Variants in ERCC5 observed in about 807,000 individuals in gnomAD.
ERCC5 encodes the protein ERCC excision repair 5, endonuclease, also known as DNA excision repair protein ERCC-5.
A neutral mutation model predicts 105.6 loss-of-function variants in ERCC5; 68 were observed. The observed-to-expected ratio is 0.64, with a 90% CI of 0.53 to 0.79. The LOEUF is 0.79. Ranked by LOEUF, ERCC5 falls within the 30% of genes least tolerant of loss-of-function variation. The pLI is 0.00. For missense variants in ERCC5, 1,373 were observed against 1,426.7 expected, an observed-to-expected ratio of 0.96 and a Z score of 0.61; for synonymous variants, 546 against 526.2, an observed-to-expected ratio of 1.04 and a Z score of -0.51.
Position 102,862,985 on chromosome 13 carries a change from G to A in ERCC5, c.1836G>A (p.Glu612=). The A allele has an allele frequency of 6.2e-7, 1 of 1,614,186 alleles. No homozygotes were observed. Among genetic ancestry groups the A allele is most frequent in the Non-Finnish European group, 8.5e-7 (1 of 1,180,038 alleles). Residue 612 remains glutamate, a synonymous_variant, in exon 8 of 15, where the codon GAG becomes GAA. Transcript: ENST00000652225. ...TGTCATTTAATGCTAAAGAGCATGA[G>A]AATTTTCTGGAAACCATCCAAGAAC... ...NVVSFNAKEH[E]NFLETIQEQQ...
chr13:102,865,578 TTTCAGG>T lies in ERCC5; in HGVS notation c.1955-85_1955-80del, dbSNP rs1882802133. On this transcript the variant is annotated intron_variant, in intron 8 of 14. Transcript: ENST00000652225. The surrounding 1 kb of genome is among the most constrained non-coding windows in gnomAD (Gnocchi z 4.0). ...TCTTTCCTTTTTAGGATGTAGCATTTTTCAGGTTCCTCCAGAAAGCTCTTGATGATT... is the reference window on the plus strand; with the variant it reads ...TCTTTCCTTTTTAGGATGTAGCATTTTTCCTCCAGAAAGCTCTTGATGATT... 2 of 1,558,826 alleles carry T rather than the reference TTTCAGG, an allele frequency of 1.3e-6. No individual in the cohort carries two copies. Among genetic ancestry groups the T allele is most frequent in the Non-Finnish European group, 8.7e-7 (1 of 1,147,342 alleles).
chr13:102,866,766 G>A lies in ERCC5; in HGVS notation c.2454G>A (p.Ala818=), dbSNP rs138715586. The change falls in exon 11 of 15, where the codon GCG becomes GCA. Residue 818 remains alanine (A), a synonymous_variant. Coordinates refer to ENST00000652225, the MANE Select transcript of ERCC5 (RefSeq NM_000123.4). ...TDDSDIWLFG[A]RHVYRNFFNK... The stretch of plus-strand genomic sequence containing the variant: ...ACAGTGATATCTGGCTGTTTGGAGC[G>A]CGGCATGTCTATAGAAACTTTTTTA... 351 of 1,614,238 alleles carry A rather than the reference G, an allele frequency of 2.2e-4. No individual in the cohort carries two copies. The African/African-American group carries it at 3.9e-3, about 18-fold the overall frequency.
At chr13:102,847,232 C>A (rs1047200302) in intron 1 of ERCC5, among the ~76,000 whole-genome samples, 1 of 149,010 alleles carries the variant, frequency 6.7e-6, no homozygotes, top group Non-Finnish European at 1.5e-5. Flanking sequence ...GAATTAAATT[C>A]TTTTTTCATT....
At chr13:102,869,664 G>A (rs1236944792) in intron 12 of ERCC5, among the ~76,000 whole-genome samples, 1 of 152,146 alleles carries the variant, frequency 6.6e-6, no homozygotes, top group Admixed American at 6.5e-5. Context: ...ATCAGGGCTA[G>A]TTTAATCAAG....
intron 11 of ERCC5, among the ~76,000 whole-genome samples, chr13:102,867,318 G>C (rs1882875186): frequency 6.6e-6 from 1 of 152,230 alleles, no homozygotes; most frequent in African/African-American, 2.4e-5. Context: ...TTGGTGGTAA[G>C]TGCCAAATAG....
In ERCC5 at chr13:102,862,918, T is replaced by A; in HGVS notation, c.1769T>A (p.Val590Glu). ...AGTTTGCAAGAAACAAGTAGCATAG[T>A]AAGTGTCCCTTCAGAGGCAGTAGAT... Reference protein sequence around the residue: ...PVSLQETSSIVSVPSEAVDNV... With the variant: ...PVSLQETSSIESVPSEAVDNV... Residue 590 changes from valine to glutamate, a missense_variant, in exon 8 of 15, where the codon GTA (valine) becomes GAA (glutamate). Around this residue, in one of 3 missense-constraint regions of ERCC5, gnomAD observed 1,004 missense variants for 1,059.7 expected, o/e 0.95. Transcript: ENST00000652225. The A allele has an allele frequency of 1.2e-6, 2 of 1,614,218 alleles. No homozygotes were observed. Among genetic ancestry groups the A allele is most frequent in the Non-Finnish European group, 8.5e-7 (1 of 1,180,036 alleles).
intron 12 of ERCC5, among the ~76,000 whole-genome samples, chr13:102,870,733 T>G (rs1883004295): frequency 6.6e-6 from 1 of 152,160 alleles, no homozygotes; most frequent in Admixed American, 6.5e-5. Flanking sequence ...AAGACCGCAA[T>G]TAGTAATTTC....
Position 102,865,541 on chromosome 13 carries a change from G to A in ERCC5, c.1955-126G>A, listed in dbSNP as rs1052376813. Reference sequence around the variant, plus strand: ...ATAACGCTACTATTACATGTATTCTGTTATAGTCATATCTTTCCTTTTTAG... The same window carrying A: ...ATAACGCTACTATTACATGTATTCTATTATAGTCATATCTTTCCTTTTTAG... On this transcript the variant is annotated intron_variant, in intron 8 of 14. Coordinates refer to ENST00000652225, the MANE Select transcript of ERCC5 (RefSeq NM_000123.4). This position sits in a 1 kb window ranked among gnomAD's most constrained non-coding sequence, Gnocchi z 4.0. 1.5e-6 allele frequency: 2 copies of A among 1,310,346 alleles called. No individual in the cohort carries two copies. Among genetic ancestry groups the A allele is most frequent in the Non-Finnish European group, 2.1e-6 (2 of 940,830 alleles). 81.2% of individuals were successfully genotyped at this position (1,310,346 alleles called of 1,614,324 possible). A position where few individuals can be genotyped will look rare whatever the true frequency, so the allele number is the denominator to read the frequency against.
At chr13:102,849,372 C>T (rs761983258) in intron 1 of ERCC5, 41 of 518,912 alleles carry the variant, frequency 7.9e-5, no homozygotes, top group South Asian at 5.7e-4. Context: ...CCTGCCATTC[C>T]TTTTGTCCTG....
chr13:102,862,067 G>A lies in ERCC5; in HGVS notation c.918G>A (p.Glu306=). The change falls in exon 8 of 15, where the codon GAG becomes GAA. Residue 306 remains glutamate (E), a synonymous_variant. Coordinates refer to ENST00000652225, the MANE Select transcript of ERCC5 (RefSeq NM_000123.4). ...QAKTVAEVDS[E]SLPSSSKMHG... The stretch of plus-strand genomic sequence containing the variant: ...AGACAGTTGCAGAAGTGGATTCAGA[G>A]TCTCTTCCTTCTTCCAGCAAAATGC... 6.2e-7 allele frequency: 1 copy of A among 1,614,210 alleles called. No individual in the cohort carries two copies. The highest frequency in any genetic ancestry group is 8.5e-7 in the Non-Finnish European group (1 of 1,180,030).
rs2140527909 is a variant in ERCC5 at position 102,862,607 on chromosome 13, T to A, written c.1458T>A (p.Phe486Leu). ...TTGTTCACGTGGGGACTGAAGCCTT[T>A]CCGATAAGTGATGAGTCTATGATTA... The part of the protein sequence containing the change: ...MSLVHVGTEA[F>L]PISDESMIKD... Residue 486 changes from phenylalanine to leucine, a missense_variant, in exon 8 of 15, where the codon TTT becomes TTA. By Grantham distance (22) the Phe-to-Leu change is conservative. Coordinates refer to ENST00000652225, the MANE Select transcript of ERCC5 (RefSeq NM_000123.4). 4 of 1,614,096 alleles carry A rather than the reference T, an allele frequency of 2.5e-6. No homozygotes were observed. The highest frequency in any genetic ancestry group is 3.4e-6 in the Non-Finnish European group (4 of 1,180,010).
chr13:102,866,070 G>C (rs1882823714), intron 9 of ERCC5, 159 bp downstream of exon 9: 2 of 1,496,542 alleles, frequency 1.3e-6, no homozygotes, highest in South Asian at 2.4e-5. Flanking sequence ...GGCTGGGATA[G>C]ACTCCGTTTT....
At position 102,875,520 on chromosome 13, in the gene ERCC5, A is replaced by G. The variant is rs761148901; in HGVS notation, c.3178A>G (p.Ile1060Val). Residue 1060 changes from isoleucine to valine, a missense_variant, in exon 15 of 15, where the codon ATA becomes GTA. Coordinates refer to ENST00000652225, the MANE Select transcript of ERCC5 (RefSeq NM_000123.4). Reference protein sequence around the residue: ...KAKGKTQKRGITNTLEESSSL... With the variant: ...KAKGKTQKRGVTNTLEESSSL... ...AAAAGGAAAAACCCAGAAGAGAGGC[A>G]TAACAAATACCTTAGAAGAGTCATC... 3 of 1,614,134 alleles carry G rather than the reference A, an allele frequency of 1.9e-6. No homozygotes were observed. Among genetic ancestry groups the G allele is most frequent in the Non-Finnish European group, 1.7e-6 (2 of 1,179,954 alleles).
In ERCC5 at chr13:102,858,546, C is replaced by T. The variant is rs3736865; in HGVS notation, c.672+128C>T. 0.57 allele frequency: 746,015 copies of T among 1,304,264 alleles called. 219,558 individuals carry two copies. The highest frequency in any genetic ancestry group is 0.67 in the African/African-American group (45,288 of 68,094). 80.8% of individuals were successfully genotyped at this position (1,304,264 alleles called of 1,614,324 possible). A position where few individuals can be genotyped will look rare whatever the true frequency, so the allele number is the denominator to read the frequency against. On this transcript the variant is annotated intron_variant, in intron 6 of 14. Transcript: ENST00000652225. ...CAGTTAACAGTAAACAGCATTTCTA[C>T]ATCTCAGATTCTAAGAAGCATCGTA...
chr13:102,875,441 A>G lies in ERCC5; in HGVS notation c.3099A>G (p.Glu1033=). The G allele has an allele frequency of 6.2e-7, 1 of 1,614,232 alleles. No homozygotes were observed. Among genetic ancestry groups the G allele is most frequent in the Non-Finnish European group, 8.5e-7 (1 of 1,180,038 alleles). ...AAGAGAAAGAAGCAGCAGCCAGCGA[A>G]ATAGAAGCAGTTTCTGTTGCCATGG... ...LRKEKEAAAS[E]IEAVSVAMEK... The change falls in exon 15 of 15, where the codon GAA becomes GAG. Residue 1033 remains glutamate (E), a synonymous_variant. Transcript: ENST00000652225.
rs1487394351 is a variant in ERCC5 at position 102,853,847 on chromosome 13, A to G, written c.355A>G (p.Ile119Val). The change falls in exon 3 of 15, where the codon ATC becomes GTC. Residue 119 changes from isoleucine (I) to valine (V), a missense_variant. By Grantham distance (29) the Ile-to-Val change is conservative. Coordinates refer to ENST00000652225, the MANE Select transcript of ERCC5 (RefSeq NM_000123.4). ...LLKTFLKRQA[I>V]KTAFRSKRDE... Reference sequence around the variant, plus strand: ...GAAAACATTTTTGAAAAGACAAGCCATCAAAACTGCCTTCAGAAGCAAAAG... The same window carrying G: ...GAAAACATTTTTGAAAAGACAAGCCGTCAAAACTGCCTTCAGAAGCAAAAG... 6.2e-7 allele frequency: 1 copy of G among 1,614,228 alleles called. No homozygotes were observed. The highest frequency in any genetic ancestry group is 2.2e-5 in the East Asian group (1 of 44,886).
chr13:102,866,126 G>A, intron 9 of ERCC5, 136 bp from the exon 10 acceptor site: 2 of 1,475,514 alleles, frequency 1.4e-6, no homozygotes. Flanking sequence ...CAGAGTCTTG[G>A]TTAGACATCC....
At position 102,846,088 on chromosome 13, in the gene ERCC5, T is replaced by C. The variant is rs1881944244; in HGVS notation, c.-179T>C. On this transcript the variant is annotated 5_prime_UTR_variant, in exon 1 of 15. Coordinates refer to ENST00000652225, the MANE Select transcript of ERCC5 (RefSeq NM_000123.4). ...TGTTGCAGCCAGAGTCTCTCCGCTTTAATGCGCTCCCATTAGTGCCGTCCC... is the reference window on the plus strand; with the variant it reads ...TGTTGCAGCCAGAGTCTCTCCGCTTCAATGCGCTCCCATTAGTGCCGTCCC... 1.7e-6 allele frequency: 1 copy of C among 602,512 alleles called. No individual in the cohort carries two copies. Among genetic ancestry groups the C allele is most frequent in the South Asian group, 2.0e-5 (1 of 50,318 alleles). 37.3% of individuals were successfully genotyped at this position (602,512 alleles called of 1,614,324 possible).
chr13:102,867,952 G>A (rs892171690), intron 11 of ERCC5, among the ~76,000 whole-genome samples, 161 bp from the exon 12 acceptor site: 2 of 152,116 alleles, frequency 1.3e-5, no homozygotes, highest in African/African-American at 4.8e-5. Flanking sequence ...AATATTAACA[G>A]AATGCCATTG....
Sources: allele counts gnomAD v4.1 joint callset (sites outside exome capture counted in the v4.1 genomes callset), GRCh38; gene constraint gnomAD v4.1.1; regional missense constraint gnomAD v4.1.1; non-coding constraint Gnocchi (gnomAD v3.1); transcripts MANE v1.5; gene names NCBI Gene and HGNC (gene_info 2026-07-23, HGNC 2026-07-21).